Variants in ATP10B observed in about 807,000 individuals in gnomAD.
ATP10B encodes the protein ATPase phospholipid transporting 10B (putative).
ATP10B carries 122 observed loss-of-function variants against 141.2 expected under a neutral mutation model. The observed-to-expected ratio is 0.86, with a 90% CI of 0.75 to 1.00. The LOEUF is 1.00. Among genes scored for constraint, ATP10B ranks in the 50% least tolerant of loss-of-function variants. ATP10B has a pLI of 0.00. For synonymous variants in ATP10B, 685 were observed against 692.0 expected, an observed-to-expected ratio of 0.99 and a Z score of 0.16; for missense variants, 1,876 against 1,825.3, an observed-to-expected ratio of 1.03 and a Z score of -0.51.
chr5:160,716,464 G>A (rs531303117), intron 3 of ATP10B, among the ~76,000 whole-genome samples: 1 of 152,224 alleles, frequency 6.6e-6, no homozygotes, highest in South Asian at 2.1e-4. Flanking sequence ...AGCTGTCGGT[G>A]GCAGAGTTGG....
At chr5:160,630,655 T>A (rs965627451) in intron 13 of ATP10B, among the ~76,000 whole-genome samples, 2 of 152,170 alleles carry the variant, frequency 1.3e-5, no homozygotes, top group Non-Finnish European at 2.9e-5. Flanking sequence ...TTAAGAAGGA[T>A]GTAGCAATAT....
At position 160,636,356 on chromosome 5, in the gene ATP10B, C is replaced by T. The variant is rs190071837; in HGVS notation, c.1001-47G>A. 3 of 1,586,058 alleles carry T rather than the reference C, an allele frequency of 1.9e-6. No homozygotes were observed. The South Asian group carries it at 3.5e-5, about 18-fold the overall frequency. On this transcript the variant is annotated intron_variant, in intron 10 of 25. Coordinates refer to ENST00000327245, the MANE Select transcript of ATP10B (RefSeq NM_025153.3). ...AATGAGGCTGAATCTCTACTAAGTC[C>T]TAAAGTTGGTCAATTATACCAGCCC...
At chr5:160,715,620 C>G (rs560896868) in intron 3 of ATP10B, among the ~76,000 whole-genome samples, 1 of 152,170 alleles carries the variant, frequency 6.6e-6, no homozygotes, top group East Asian at 1.9e-4. Flanking sequence ...TGTTCCTATT[C>G]GGCCATCTTG....
rs539387341 is a variant in ATP10B at position 160,564,169 on chromosome 5, C to T, written c.*1284G>A. On this transcript the variant is annotated 3_prime_UTR_variant, in exon 26 of 26. Transcript: ENST00000327245. ...TTGCATCTATTTCTGTACTTTTTGC[C>T]TACTATATAGGTACTAGCTTAAGGT... 1 of 152,200 alleles carries T rather than the reference C, an allele frequency of 6.6e-6. No individual in the cohort carries two copies. Among genetic ancestry groups the T allele is most frequent in the African/African-American group, 2.4e-5 (1 of 41,538 alleles). 9.4% of individuals were successfully genotyped at this position (152,200 alleles called of 1,614,324 possible).
chr5:160,679,577 C>T (rs1763249199), intron 6 of ATP10B, among the ~76,000 whole-genome samples: 2 of 152,254 alleles, frequency 1.3e-5, no homozygotes, highest in African/African-American at 2.4e-5. Context: ...CTCTGCACTT[C>T]TGTGTCCCTT....
chr5:160,856,345 T>C (rs188063009), upstream of ATP10B, among the ~76,000 whole-genome samples: 3 of 151,988 alleles, frequency 2.0e-5, no homozygotes, highest in East Asian at 5.8e-4. Flanking sequence ...TAAATTTCTG[T>C]ATGTTTATCT....
At chr5:160,670,766 C>A in intron 6 of ATP10B, 99 bp from the exon 7 acceptor site, 1 of 1,055,660 alleles carries the variant, frequency 9.5e-7, no homozygotes, top group Non-Finnish European at 1.4e-6. Context: ...AACTATCCAC[C>A]AAGTCAGCCT....
chr5:160,864,660 T>C, the ATP10B span, among the ~76,000 whole-genome samples: 3 of 152,012 alleles, frequency 2.0e-5, no homozygotes, highest in South Asian at 6.2e-4. Context: ...GATATGATTG[T>C]ATACCTAGAA....
intron 1 of ATP10B, among the ~76,000 whole-genome samples, chr5:160,810,267 T>C (rs1773060611): frequency 6.6e-6 from 1 of 152,148 alleles, no homozygotes; most frequent in Non-Finnish European, 1.5e-5. Context: ...CATTAATTTT[T>C]CTACCATGGT....
rs1763861367 is a variant in ATP10B at position 160,687,919 on chromosome 5, G to A, written c.156C>T (p.Asn52=). 1 of 1,614,138 alleles carries A rather than the reference G, an allele frequency of 6.2e-7. No homozygotes were observed. Among genetic ancestry groups the A allele is most frequent in the Non-Finnish European group, 8.5e-7 (1 of 1,180,020 alleles). The part of the protein sequence containing the change: ...LTQQRVVFPN[N]SIFHQDWEEV... ...CTTCCCAATCTTGATGGAATATGCT[G>A]TTGTTGGGGAACACGACCCGCTGCT... The change falls in exon 5 of 26, where the codon AAC becomes AAT. Residue 52 remains asparagine, a synonymous_variant. Transcript: ENST00000327245.
chr5:160,923,487 C>CAGGACGCT, the ATP10B span, among the ~76,000 whole-genome samples: 17 of 152,296 alleles, frequency 1.1e-4, no homozygotes, highest in Middle Eastern at 3.4e-3. Flanking sequence ...GCACGGTGCC[C>CAGGACGCT]AGGACGCTGT....
At chr5:160,923,331 T>C in the ATP10B span, among the ~76,000 whole-genome samples, 1 of 152,224 alleles carries the variant, frequency 6.6e-6, no homozygotes, top group Non-Finnish European at 1.5e-5. Flanking sequence ...GATTCTGACA[T>C]CTAAATAACT....
chr5:160,583,538 G>A (rs1755688084), intron 24 of ATP10B, among the ~76,000 whole-genome samples: 1 of 152,226 alleles, frequency 6.6e-6, no homozygotes, highest in Non-Finnish European at 1.5e-5. Context: ...GGACCCACTG[G>A]AGGAGACAGT....
At chr5:160,915,874 A>C in the ATP10B span, among the ~76,000 whole-genome samples, 1 of 152,220 alleles carries the variant, frequency 6.6e-6, no homozygotes, top group Non-Finnish European at 1.5e-5. Context: ...CTCAGAGTAC[A>C]TGCTCTCCTG....
At chr5:160,682,435 A>T (rs2127740197) in intron 6 of ATP10B, among the ~76,000 whole-genome samples, 1 of 152,288 alleles carries the variant, frequency 6.6e-6, no homozygotes, top group East Asian at 1.9e-4. Flanking sequence ...GATTGTTATC[A>T]TCTTGGTTTT....
intron 1 of ATP10B, among the ~76,000 whole-genome samples, chr5:160,829,075 G>T (rs1361406223): frequency 9.6e-6 from 1 of 103,988 alleles, no homozygotes; most frequent in African/African-American, 3.7e-5. Flanking sequence ...GGGGAGGGGG[G>T]AGGGATAGCA....
chr5:160,735,465 G>A (rs1214698179), intron 2 of ATP10B, among the ~76,000 whole-genome samples: 2 of 151,974 alleles, frequency 1.3e-5, no homozygotes, highest in Non-Finnish European at 2.9e-5. Flanking sequence ...AAATCTACAT[G>A]CACCCAACAC....
the ATP10B span, among the ~76,000 whole-genome samples, chr5:160,861,261 C>T: frequency 6.6e-6 from 1 of 151,774 alleles, no homozygotes; most frequent in Non-Finnish European, 1.5e-5. Context: ...TGCTATTTTA[C>T]ACACTAGAAT....
intron 2 of ATP10B, among the ~76,000 whole-genome samples, chr5:160,758,957 C>A (rs533142101): frequency 6.6e-6 from 1 of 152,292 alleles, no homozygotes; most frequent in East Asian, 1.9e-4. Flanking sequence ...TCTTGGGAAA[C>A]CCACAATGCA....
Sources: allele counts gnomAD v4.1 joint callset (sites outside exome capture counted in the v4.1 genomes callset), GRCh38; gene constraint gnomAD v4.1.1; transcripts MANE v1.5; gene names NCBI Gene and HGNC (gene_info 2026-07-23, HGNC 2026-07-21).